MGAT3: variants seen among roughly 807,000 people sequenced by gnomAD.
MGAT3 encodes beta-1,4-mannosyl-glycoprotein 4-beta-N-acetylglucosaminyltransferase.
In MGAT3, 9 loss-of-function variants were observed where a neutral mutation model predicts 29.8. The observed-to-expected ratio is 0.30, with a 90% CI of 0.18 to 0.53. The LOEUF is 0.53. Ranked by LOEUF, MGAT3 falls within the 20% of genes least tolerant of loss-of-function variation. The pLI is 0.96. For missense variants in MGAT3, 557 were observed against 769.5 expected (o/e 0.72, Z 3.27); for synonymous variants, 397 against 348.9 (o/e 1.14, Z -1.54).
At position 39,487,520 on chromosome 22, in the gene MGAT3, C is replaced by T. The variant is rs200444336; in HGVS notation, c.173C>T (p.Pro58Leu). Reference sequence around the variant, plus strand: ...TTCTGGAACAATGCCCCGGTCACGCCCCAGGCCAGCCCCGAGCCAGGAGGC... The same window carrying T: ...TTCTGGAACAATGCCCCGGTCACGCTCCAGGCCAGCCCCGAGCCAGGAGGC... The part of the protein sequence containing the change: ...SFFWNNAPVT[P>L]QASPEPGGPD... Residue 58 changes from proline (P) to leucine (L), a missense_variant, in exon 2 of 2, where the codon CCC becomes CTC. By Grantham distance (98) the Pro-to-Leu change is moderately conservative. This residue lies in a region of MGAT3 where 212 missense variants were observed against 228.5 expected (regional missense o/e 0.93). Coordinates refer to ENST00000341184, the MANE Select transcript of MGAT3 (RefSeq NM_002409.5). This position sits in a 1 kb window ranked among gnomAD's most constrained non-coding sequence, Gnocchi z 5.7. 4.3e-6 allele frequency: 7 copies of T among 1,613,296 alleles called. No individual in the cohort carries two copies. The highest frequency in any genetic ancestry group is 1.7e-5 in the Admixed American group (1 of 60,014).
chr22:39,487,343 G>A lies in MGAT3; in HGVS notation c.-1-4G>A, dbSNP rs773119623. ...TGAGTCTCCTGTCTCTCTCTCTCCCGCAGGATGAAGATGAGACGCTACAAG... is the reference window on the plus strand; with the variant it reads ...TGAGTCTCCTGTCTCTCTCTCTCCCACAGGATGAAGATGAGACGCTACAAG... On this transcript the variant is annotated splice_polypyrimidine_tract_variant and splice_region_variant and intron_variant, in intron 1 of 1. Coordinates refer to ENST00000341184, the MANE Select transcript of MGAT3 (RefSeq NM_002409.5). This position sits in a 1 kb window ranked among gnomAD's most constrained non-coding sequence, Gnocchi z 5.7. 2 of 1,608,812 alleles carry A rather than the reference G, an allele frequency of 1.2e-6. No individual in the cohort carries two copies. The highest frequency in any genetic ancestry group is 1.3e-5 in the African/African-American group (1 of 74,654).
intron 1 of MGAT3, among the ~76,000 whole-genome samples, chr22:39,483,735 TG>T (rs1290864996): frequency 1.3e-5 from 2 of 152,172 alleles, no homozygotes; most frequent in African/African-American, 2.4e-5. Context: ...AAATGGAGAA[TG>T]AAGTGCAGAA....
In MGAT3 at chr22:39,487,456, G is replaced by T. The variant is rs1295264439; in HGVS notation, c.109G>T (p.Glu37Ter). ...CCTGTCCTATGTCACCTTCCCCCGA[G>T]AACTGGCCTCCCTCAGCCCTAACCT... ...KTLSYVTFPR[E>*]LASLSPNLVS... Residue 37 changes from glutamate (E) to a stop codon, truncating the protein, a stop_gained, in exon 2 of 2, where the codon GAA becomes TAA. Transcript: ENST00000341184. LOFTEE classifies it high-confidence loss of function. The surrounding 1 kb of genome is among the most constrained non-coding windows in gnomAD (Gnocchi z 5.7). The T allele has an allele frequency of 6.2e-7, 1 of 1,613,578 alleles. No homozygotes were observed.
chr22:39,469,053 G>A (rs1928734164), intron 1 of MGAT3, among the ~76,000 whole-genome samples: 1 of 151,738 alleles, frequency 6.6e-6, no homozygotes, highest in East Asian at 1.9e-4. Context: ...ATTCCGGTGA[G>A]CGGTAGGCTT....
At chr22:39,472,831 C>G (rs566549166) in intron 1 of MGAT3, 2 of 152,388 alleles carry the variant, frequency 1.3e-5, no homozygotes, top group Non-Finnish European at 2.9e-5. Flanking sequence ...TGCCATAGAG[C>G]CTTGAAAGCC....
intron 1 of MGAT3, among the ~76,000 whole-genome samples, chr22:39,480,294 G>T (rs1310241772): frequency 6.6e-6 from 1 of 152,214 alleles, no homozygotes; most frequent in East Asian, 1.9e-4. Flanking sequence ...AGCTGGAGAG[G>T]GGTTTTGTCC....
chr22:39,489,117 G>A lies in MGAT3; in HGVS notation c.*168G>A. The A allele has an allele frequency of 1.1e-6, 1 of 947,164 alleles. No individual in the cohort carries two copies. Among genetic ancestry groups the A allele is most frequent in the Non-Finnish European group, 1.6e-6 (1 of 641,004 alleles). The allele number at this position is 947,164 out of a possible 1,614,324, so 58.7% of individuals were successfully genotyped here. ...TGAAGCCCTTGTGAATCAAGGGTCA[G>A]GCCTTTGAGCTCAGAAAATATCCCT... On this transcript the variant is annotated 3_prime_UTR_variant, in exon 2 of 2. Coordinates refer to ENST00000341184, the MANE Select transcript of MGAT3 (RefSeq NM_002409.5).
chr22:39,458,270 C>T (rs1040633705), intron 1 of MGAT3, among the ~76,000 whole-genome samples: 2 of 152,030 alleles, frequency 1.3e-5, no homozygotes, highest in South Asian at 2.1e-4. Flanking sequence ...GGTGGGGTTC[C>T]TGAGCTGGGG....
intron 1 of MGAT3, among the ~76,000 whole-genome samples, chr22:39,483,775 A>G (rs1715697885): frequency 6.6e-6 from 1 of 152,252 alleles, no homozygotes; most frequent in Non-Finnish European, 1.5e-5. Flanking sequence ...ATCAAGGAGC[A>G]GCCCCTCCTT....
rs58543840 is a variant in MGAT3, at chr22:39,475,128, CTTTT to C, written c.-1-12200_-1-12197del. Among the ~76,000 whole-genome samples, 1,110 of 118,742 alleles carry C rather than the reference CTTTT, an allele frequency of 9.3e-3. 16 individuals carry two copies. Among genetic ancestry groups the C allele is most frequent in the African/African-American group, 0.034 (919 of 27,054 alleles). 77.9% of individuals were successfully genotyped at this position (118,742 alleles called of 152,430 possible). On this transcript the variant is annotated intron_variant, in intron 1 of 1. Transcript: ENST00000341184. Reference sequence around the variant, plus strand: ...TGAATTCACAGCAGGGCTTGCCAGGCTTTTTTTTTTTTTTTTTTTTTTAACTGTA... The same window carrying C: ...TGAATTCACAGCAGGGCTTGCCAGGCTTTTTTTTTTTTTTTTTTAACTGTA...
intron 1 of MGAT3, chr22:39,472,738 G>C (rs1928845028): frequency 1.3e-5 from 2 of 152,282 alleles, no homozygotes; most frequent in African/African-American, 4.8e-5. Context: ...TGGAGGGCAG[G>C]GCCAGCATCT....
chr22:39,489,004 C>T lies in MGAT3; in HGVS notation c.*55C>T, dbSNP rs1308708317. 2 of 1,503,992 alleles carry T rather than the reference C, an allele frequency of 1.3e-6. No homozygotes were observed. Among genetic ancestry groups the T allele is most frequent in the Non-Finnish European group, 1.8e-6 (2 of 1,125,366 alleles). 93.2% of individuals were successfully genotyped at this position (1,503,992 alleles called of 1,614,324 possible). ...GGGCGGGGGTGGCGGCGGCCCCTAG[C>T]GCTATCTCCCTGCCTCCTGCCGGCT... On this transcript the variant is annotated 3_prime_UTR_variant, in exon 2 of 2. Transcript: ENST00000341184.
rs371619638 is a variant in MGAT3, at chr22:39,484,921, T to G, written c.-1-2426T>G. Among the ~76,000 whole-genome samples the G allele has an allele frequency of 2.0e-5, 3 of 152,150 alleles. No homozygotes were observed. The South Asian group carries it at 6.2e-4, about 32-fold the overall frequency. ...GGGAGGCTGAGGCAAGAGAATTGCT[T>G]GAACCTGGTAGATGGAAGTTGCAGC... is the stretch of plus-strand genomic sequence containing the variant. On this transcript the variant is annotated intron_variant, in intron 1 of 1. Transcript: ENST00000341184.
chr22:39,479,101 T>C (rs1471353250), intron 1 of MGAT3, among the ~76,000 whole-genome samples: 1 of 152,042 alleles, frequency 6.6e-6, no homozygotes, highest in East Asian at 1.9e-4. Flanking sequence ...ATCCCAACAC[T>C]GGGGGGCCGA....
At position 39,487,414 on chromosome 22, in the gene MGAT3, C is replaced by G. The variant is rs1192493031; in HGVS notation, c.67C>G (p.Leu23Val). Reference sequence around the variant, plus strand: ...GGCCGGCCTGTGCCTCATCTCCTTCCTGCACTTCTTCAAGACCCTGTCCTA... The same window carrying G: ...GGCCGGCCTGTGCCTCATCTCCTTCGTGCACTTCTTCAAGACCCTGTCCTA... ...CMAGLCLISF[L>V]HFFKTLSYVT... is the part of the protein sequence containing the mutation. Residue 23 changes from leucine to valine, a missense_variant, in exon 2 of 2, where the codon CTG becomes GTG. By Grantham distance (32) the Leu-to-Val change is conservative (BLOSUM62 1). This residue lies in a region of MGAT3 where 212 missense variants were observed against 228.5 expected (regional missense o/e 0.93). Coordinates refer to ENST00000341184, the MANE Select transcript of MGAT3 (RefSeq NM_002409.5). The surrounding 1 kb of genome is among the most constrained non-coding windows in gnomAD (Gnocchi z 5.7). The G allele has an allele frequency of 4.3e-6, 7 of 1,613,676 alleles. No individual in the cohort carries two copies. The highest frequency in any genetic ancestry group is 5.1e-6 in the Non-Finnish European group (6 of 1,179,988).
intron 1 of MGAT3, among the ~76,000 whole-genome samples, chr22:39,473,090 C>T (rs919729532): frequency 6.6e-6 from 1 of 152,110 alleles, no homozygotes; most frequent in Non-Finnish European, 1.5e-5. Flanking sequence ...GATGTCCACA[C>T]GAGATTAGAG....
rs1363529613 is a variant in MGAT3, at chr22:39,457,778, C to A, written c.-2+221C>A. Among the ~76,000 whole-genome samples the A allele has an allele frequency of 6.6e-6, 1 of 151,012 alleles. No individual in the cohort carries two copies. The highest frequency in any genetic ancestry group is 1.5e-5 in the Non-Finnish European group (1 of 67,510). ...TCGGCGCGGGCCCCCTCCCCCTACC[C>A]GCCGCTCCTCCGAGCTCCCCGGTCC... On this transcript the variant is annotated intron_variant, in intron 1 of 1. Transcript: ENST00000341184. The surrounding 1 kb of genome is among the most constrained non-coding windows in gnomAD (Gnocchi z 6.8).
At chr22:39,484,281 T>C (rs565128152) in intron 1 of MGAT3, among the ~76,000 whole-genome samples, 43 of 152,340 alleles carry the variant, frequency 2.8e-4, no homozygotes, top group South Asian at 6.2e-4. Context: ...CAAGAGCTTA[T>C]TGAGCATGCT....
At chr22:39,480,601 G>C (rs571358729) in intron 1 of MGAT3, among the ~76,000 whole-genome samples, 6 of 152,190 alleles carry the variant, frequency 3.9e-5, no homozygotes, top group Non-Finnish European at 8.8e-5. Flanking sequence ...GAGAGGACCT[G>C]AGGTTTGGAT....
Sources: allele counts gnomAD v4.1 joint callset (sites outside exome capture counted in the v4.1 genomes callset), GRCh38; gene constraint gnomAD v4.1.1; regional missense constraint gnomAD v4.1.1; non-coding constraint Gnocchi (gnomAD v3.1); transcripts MANE v1.5; gene names NCBI Gene and HGNC (gene_info 2026-07-23, HGNC 2026-07-21).